Variants in MAGI3 observed in about 807,000 individuals in gnomAD.
MAGI3 encodes the protein membrane associated guanylate kinase, WW and PDZ domain containing 3.
Under a neutral mutation model 121.8 loss-of-function variants are expected in MAGI3, and 43 were observed. The observed-to-expected ratio is 0.35, with a 90% confidence interval of 0.28 to 0.46. The LOEUF (loss-of-function observed/expected upper bound fraction) is 0.46, where lower values mean the gene tolerates loss of function less well. MAGI3 is among the 20% of genes least tolerant of loss of function. MAGI3 has a pLI of 1.00. For missense variants in MAGI3, 1,547 were observed against 1,797.3 expected (o/e 0.86, Z 2.52); for synonymous variants, 553 against 639.3 (o/e 0.86, Z 2.04).
At chr1:113,473,254 CTTTA>C (rs1010252933) in intron 1 of MAGI3, among the ~76,000 whole-genome samples, 11 of 151,724 alleles carry the variant, frequency 7.3e-5, no homozygotes, top group Admixed American at 1.3e-4. Flanking sequence ...TCTTCCAGTA[CTTTA>C]TTTATTTATT....
intron 1 of MAGI3, among the ~76,000 whole-genome samples, chr1:113,462,837 T>C (rs1241034556): frequency 6.6e-6 from 1 of 152,126 alleles, no homozygotes; most frequent in Non-Finnish European, 1.5e-5. Context: ...AAAAATATAG[T>C]TGGGAATAAC....
intron 1 of MAGI3, among the ~76,000 whole-genome samples, chr1:113,511,389 A>G (rs974419035): frequency 6.6e-6 from 1 of 152,248 alleles, no homozygotes; most frequent in Non-Finnish European, 1.5e-5. Context: ...GAATGAAAAG[A>G]TGGTTGTTAG....
intron 15 of MAGI3, 70 bp from the exon 16 acceptor site, chr1:113,659,010 C>G: frequency 8.1e-7 from 1 of 1,230,688 alleles, no homozygotes; most frequent in Non-Finnish European, 1.1e-6. Context: ...TTTTAAATGA[C>G]GTTGATTATA....
At chr1:113,512,681 C>A (rs527452487) in intron 1 of MAGI3, among the ~76,000 whole-genome samples, 9 of 152,232 alleles carry the variant, frequency 5.9e-5, no homozygotes, top group African/African-American at 2.2e-4. Flanking sequence ...ACTGAATGGG[C>A]AAAAACTGGA....
intron 1 of MAGI3, among the ~76,000 whole-genome samples, chr1:113,430,170 CTTATT>C (rs979687560): frequency 6.6e-6 from 1 of 151,818 alleles, no homozygotes; most frequent in African/African-American, 2.4e-5. Flanking sequence ...TTTTTTTCTT[CTTATT>C]TTATCAGAGT....
intron 1 of MAGI3, among the ~76,000 whole-genome samples, chr1:113,456,244 C>T (rs1252195816): frequency 1.3e-5 from 2 of 151,206 alleles, no homozygotes; most frequent in Non-Finnish European, 2.9e-5. Flanking sequence ...GGATTACAGG[C>T]GTGAGCCACC....
intron 9 of MAGI3, among the ~76,000 whole-genome samples, chr1:113,636,621 A>G (rs990544758): frequency 2.0e-5 from 3 of 151,952 alleles, no homozygotes; most frequent in Admixed American, 6.6e-5. Flanking sequence ...GTTCTTTTAC[A>G]TTTGCTGAGG....
At chr1:113,568,371 A>C (rs1029458309) in intron 2 of MAGI3, among the ~76,000 whole-genome samples, 1 of 152,110 alleles carries the variant, frequency 6.6e-6, no homozygotes, top group African/African-American at 2.4e-5. Flanking sequence ...ATGCTGACAG[A>C]AATTTCTTAT....
intron 1 of MAGI3, among the ~76,000 whole-genome samples, chr1:113,472,392 T>C (rs909002648): frequency 6.6e-6 from 1 of 151,994 alleles, no homozygotes; most frequent in Admixed American, 6.6e-5. Flanking sequence ...TTAGTAGAGA[T>C]GGGGTTTCAC....
chr1:113,524,942 G>A (rs1304527852), intron 1 of MAGI3, among the ~76,000 whole-genome samples: 1 of 152,114 alleles, frequency 6.6e-6, no homozygotes, highest in African/African-American at 2.4e-5. Flanking sequence ...GAATCATGGG[G>A]GTGGGTCTTT....
At chr1:113,479,216 C>T (rs182712770) in intron 1 of MAGI3, among the ~76,000 whole-genome samples, 17 of 152,290 alleles carry the variant, frequency 1.1e-4, no homozygotes, top group Admixed American at 7.8e-4. Context: ...GGTGAGGTGA[C>T]GTCTCGCCCT....
chr1:113,548,413 C>T (rs1427157429), intron 1 of MAGI3, among the ~76,000 whole-genome samples: 1 of 152,164 alleles, frequency 6.6e-6, no homozygotes, highest in East Asian at 1.9e-4. Flanking sequence ...CCATTTTCCC[C>T]ACAAATAATA....
chr1:113,669,278 G>A (rs1458382172), intron 16 of MAGI3, among the ~76,000 whole-genome samples: 4 of 152,220 alleles, frequency 2.6e-5, no homozygotes, highest in Admixed American at 6.5e-5. Context: ...TTTCTAGTGA[G>A]TACAGGAATA....
At position 113,683,067 on chromosome 1, in the gene MAGI3, G is replaced by C. The variant is rs1309608737; in HGVS notation, c.3499G>C (p.Val1167Leu). The change falls in exon 21 of 21, where the codon GTG becomes CTG. Residue 1167 changes from valine to leucine, a missense_variant. Val to Leu is a conservative substitution (Grantham distance 32). Coordinates refer to ENST00000307546, the MANE Select transcript of MAGI3 (RefSeq NM_001142782.2). Reference protein sequence around the residue: ...CEKAEELKDIVPEKKSTLNEN... With the variant: ...CEKAEELKDILPEKKSTLNEN... ...AAAGGCAGAAGAATTAAAGGACATTGTGCCTGAAAAGAAAAGCACTTTAAA... is the reference window on the plus strand; with the variant it reads ...AAAGGCAGAAGAATTAAAGGACATTCTGCCTGAAAAGAAAAGCACTTTAAA... 6.2e-7 allele frequency: 1 copy of C among 1,613,218 alleles called. No homozygotes were observed. Among genetic ancestry groups the C allele is most frequent in the East Asian group, 2.2e-5 (1 of 44,888 alleles).
At chr1:113,399,944 T>A (rs1403518159) in intron 1 of MAGI3, among the ~76,000 whole-genome samples, 1 of 152,166 alleles carries the variant, frequency 6.6e-6, no homozygotes, top group Non-Finnish European at 1.5e-5. Flanking sequence ...GTCATTATTG[T>A]AGTATTTCTG....
rs71087199 is a variant in MAGI3, at chr1:113,449,360, G to GGTGTGTGTGT, written c.316+58031_316+58040dup. Among the ~76,000 whole-genome samples the GGTGTGTGTGT allele has an allele frequency of 8.5e-3, 1,251 of 147,308 alleles. 35 individuals are homozygous for GGTGTGTGTGT. The East Asian group carries it at 0.12, about 14-fold the overall frequency. On this transcript the variant is annotated intron_variant, in intron 1 of 20. Transcript: ENST00000307546. ...TTTATAAGTGTTGCATTACTTTTAT[G>GGTGTGTGTGT]GTGTGTGTGTGTGTGTGTGTGTGTG... is the stretch of plus-strand genomic sequence containing the variant.
At chr1:113,556,768 G>GTAGACCACCACAC (rs1660010371) in intron 2 of MAGI3, among the ~76,000 whole-genome samples, 7 of 151,900 alleles carry the variant, frequency 4.6e-5, no homozygotes, top group Admixed American at 2.6e-4. Flanking sequence ...ATCTTGCTAT[G>GTAGACCACCACAC]TTGCCTAGGC....
intron 6 of MAGI3, among the ~76,000 whole-genome samples, chr1:113,600,520 A>G (rs962689545): frequency 1.0e-3 from 158 of 152,228 alleles, no homozygotes; most frequent in Middle Eastern, 6.8e-3. Context: ...TACAAGGGAC[A>G]TGAAGGACCT....
In MAGI3 at chr1:113,572,883, A is replaced by G. The variant is rs201332391; in HGVS notation, c.434-7659A>G. Among the ~76,000 whole-genome samples, 11 of 150,236 alleles carry G rather than the reference A, an allele frequency of 7.3e-5. No homozygotes were observed. In the East Asian group the frequency reaches 1.2e-3, roughly 16 times the overall value. On this transcript the variant is annotated intron_variant, in intron 2 of 20. Transcript: ENST00000307546. ...TTTTTGGAGGGTGTTTCATGTCTCT[A>G]TCATCTTCAGTTCTGCTTTGATCTT... is the stretch of plus-strand genomic sequence containing the variant.
Sources: gnomAD v4.1 joint callset for allele counts (sites outside exome capture counted in the v4.1 genomes callset) on GRCh38, gnomAD v4.1.1 for gene constraint, MANE v1.5 for transcripts, NCBI Gene and HGNC (gene_info 2026-07-23, HGNC 2026-07-21) for gene names.